Variants in TCOF1 observed in about 807,000 individuals in gnomAD.
The protein encoded by TCOF1 is treacle protein.
Under a neutral mutation model 149.0 loss-of-function variants are expected in TCOF1, and 33 were observed. The observed-to-expected ratio is 0.22, with a 90% confidence interval of 0.17 to 0.30. TCOF1 has a LOEUF of 0.30. Among genes scored for constraint, TCOF1 ranks in the 10% least tolerant of loss-of-function variants. The probability of loss-of-function intolerance (pLI) is 1.00; values close to 1 mark genes in which losing one functional copy is unlikely to be tolerated. For synonymous variants in TCOF1, 789 were observed against 738.8 expected (o/e 1.07, Z -1.10); for missense variants, 1,728 against 1,840.7 (o/e 0.94, Z 1.12).
Position 150,396,539 on chromosome 5 carries a change from C to T in TCOF1, c.4042C>T (p.Arg1348Trp), listed in dbSNP as rs923842110. 2.5e-6 allele frequency: 4 copies of T among 1,596,552 alleles called. No homozygotes were observed. The highest frequency in any genetic ancestry group is 3.5e-5 in the Admixed American group (2 of 56,622). Reference protein sequence around the residue: ...SSRKGWESRKRKLSGDQPAAR... With the variant: ...SSRKGWESRKWKLSGDQPAAR... ...CAGGAAGGGCTGGGAGAGCCGCAAG[C>T]GGAAGCTATCGGGAGACCAGCCAGC... Residue 1348 changes from arginine to tryptophan, a missense_variant, in exon 24 of 27, where the codon CGG (arginine) becomes TGG (tryptophan). Around this residue, in one of 2 missense-constraint regions of TCOF1, gnomAD observed 1,696 missense variants for 1,765.4 expected, o/e 0.96. Transcript: ENST00000643257.
intron 1 of TCOF1, among the ~76,000 whole-genome samples, chr5:150,360,379 C>G (rs948456038): frequency 2.0e-5 from 3 of 152,200 alleles, no homozygotes; most frequent in African/African-American, 4.8e-5. Flanking sequence ...GGGACTGGTA[C>G]CATTTGGGCC....
intron 24 of TCOF1, among the ~76,000 whole-genome samples, chr5:150,398,104 G>A (rs1425505907): frequency 1.3e-5 from 2 of 152,096 alleles, no homozygotes; most frequent in Non-Finnish European, 2.9e-5. Context: ...TGTATTTTTT[G>A]TAGAGACAGG....
chr5:150,387,327 A>AT (rs776340139), intron 17 of TCOF1, among the ~76,000 whole-genome samples: 26 of 152,220 alleles, frequency 1.7e-4, no homozygotes, highest in Middle Eastern at 6.8e-3. Flanking sequence ...TCTCTTGTGC[A>AT]TTTTTTTGTT....
chr5:150,399,189 A>G lies in TCOF1; in HGVS notation c.*22+119A>G, dbSNP rs1422193364. 3 of 1,431,468 alleles carry G rather than the reference A, an allele frequency of 2.1e-6. No individual in the cohort carries two copies. In the African/African-American group the frequency reaches 4.2e-5, roughly 20 times the overall value. 88.7% of individuals were successfully genotyped at this position (1,431,468 alleles called of 1,614,324 possible). ...GCTCTAAGGGGAAAGGAGGCTGGGG[A>G]AAGAGGTTCTGTTGCCAAGGGTCCA... On this transcript the variant is annotated intron_variant, in intron 26 of 26. Coordinates refer to ENST00000643257, the MANE Select transcript of TCOF1 (RefSeq NM_001371623.1).
intron 24 of TCOF1, 82 bp from the exon 25 acceptor site, chr5:150,398,272 C>G: frequency 6.2e-7 from 1 of 1,600,326 alleles, no homozygotes; most frequent in Non-Finnish European, 8.5e-7. Flanking sequence ...GCTGGGAGCC[C>G]TGCCCTGTGC....
At chr5:150,370,735 G>A (rs1762343919) in intron 6 of TCOF1, among the ~76,000 whole-genome samples, 1 of 152,220 alleles carries the variant, frequency 6.6e-6, no homozygotes, top group Non-Finnish European at 1.5e-5. Flanking sequence ...GGGAGGCCAA[G>A]GCAGGAGGAT....
At chr5:150,361,618 T>G (rs1760111616) in intron 2 of TCOF1, among the ~76,000 whole-genome samples, 1 of 152,200 alleles carries the variant, frequency 6.6e-6, no homozygotes. Flanking sequence ...AAATGAATGT[T>G]AAATTACAGT....
At chr5:150,374,152 G>T in intron 7 of TCOF1, 22 bp from the exon 8 acceptor site, 2 of 1,604,290 alleles carry the variant, frequency 1.2e-6, no homozygotes, top group Non-Finnish European at 1.7e-6. Flanking sequence ...AGGAGAGCAA[G>T]CTGCCCTTTC....
chr5:150,376,603 G>T lies in TCOF1; in HGVS notation c.2323G>T (p.Ala775Ser). The change falls in exon 14 of 27, where the codon GCT becomes TCT. Residue 775 changes from alanine to serine, a missense_variant. Around this residue, in one of 2 missense-constraint regions of TCOF1, gnomAD observed 1,696 missense variants for 1,765.4 expected, o/e 0.96. Coordinates refer to ENST00000643257, the MANE Select transcript of TCOF1 (RefSeq NM_001371623.1). ...SEEESDSEEA[A>S]ASPAQVKTSV... ...GGAGGAATCAGACAGTGAGGAAGCA[G>T]CTGCATCTCCAGCACAGGTGAGGCC... The T allele has an allele frequency of 1.3e-6, 2 of 1,571,032 alleles. No individual in the cohort carries two copies. The highest frequency in any genetic ancestry group is 1.7e-6 in the Non-Finnish European group (2 of 1,158,298).
intron 26 of TCOF1, among the ~76,000 whole-genome samples, chr5:150,399,369 G>A (rs576791825): frequency 7.9e-5 from 12 of 152,232 alleles, no homozygotes; most frequent in African/African-American, 2.4e-4. Flanking sequence ...AGGTGAGGTC[G>A]GATACAGCTT....
intron 1 of TCOF1, among the ~76,000 whole-genome samples, chr5:150,359,426 TG>T (rs777333353): frequency 2.6e-5 from 4 of 151,780 alleles, no homozygotes; most frequent in Non-Finnish European, 4.4e-5. Flanking sequence ...AGGCAGGGGC[TG>T]GCTGGAGTGG....
intron 17 of TCOF1, 153 bp downstream of exon 17, chr5:150,379,885 A>T (rs1036067437): frequency 1.2e-6 from 1 of 860,408 alleles, no homozygotes; most frequent in African/African-American, 1.7e-5. Context: ...CAGCCTGGCC[A>T]ACATGGTGAA....
intron 19 of TCOF1, among the ~76,000 whole-genome samples, chr5:150,391,098 A>C (rs1212115856): frequency 6.6e-6 from 1 of 152,062 alleles, no homozygotes; most frequent in East Asian, 1.9e-4. Flanking sequence ...AGCGCTTGGG[A>C]ATGAGGGAAA....
intron 7 of TCOF1, among the ~76,000 whole-genome samples, chr5:150,373,727 A>G (rs1250246901): frequency 6.6e-6 from 1 of 152,174 alleles, no homozygotes. Flanking sequence ...CTGCCTCTTC[A>G]TTCCTTCCCT....
intron 26 of TCOF1, 138 bp downstream of exon 26, chr5:150,399,208 G>A: frequency 8.6e-7 from 1 of 1,159,054 alleles, no homozygotes; most frequent in Non-Finnish European, 1.3e-6. Flanking sequence ...CTGTTGCCAA[G>A]GGTCCATGGG....
Position 150,393,471 on chromosome 5 carries a change from A to C in TCOF1, c.3703A>C (p.Thr1235Pro), listed in dbSNP as rs1767836688. 3 of 1,614,022 alleles carry C rather than the reference A, an allele frequency of 1.9e-6. No homozygotes were observed. The highest frequency in any genetic ancestry group is 2.5e-6 in the Non-Finnish European group (3 of 1,180,012). ...KLDSSPSVSSTLAAKDDPDGK... is the reference protein window; with the variant it reads ...KLDSSPSVSSPLAAKDDPDGK... Reference sequence around the variant, plus strand: ...AGACTCCAGCCCCTCAGTTTCCTCTACTCTGGCCGCCAAAGATGACCCAGA... The same window carrying C: ...AGACTCCAGCCCCTCAGTTTCCTCTCCTCTGGCCGCCAAAGATGACCCAGA... Residue 1235 changes from threonine (T) to proline (P), a missense_variant, in exon 23 of 27, where the codon ACT becomes CCT. This residue lies in a region of TCOF1 where 1,696 missense variants were observed against 1,765.4 expected (regional missense o/e 0.96). Coordinates refer to ENST00000643257, the MANE Select transcript of TCOF1 (RefSeq NM_001371623.1).
chr5:150,374,392 G>A lies in TCOF1; in HGVS notation c.1083+6G>A. 4 of 1,552,740 alleles carry A rather than the reference G, an allele frequency of 2.6e-6. No homozygotes were observed. The highest frequency in any genetic ancestry group is 3.5e-6 in the Non-Finnish European group (4 of 1,147,836). ...CTGCCAAGGCCCTGCTTCAGGTGAG[G>A]CCTGAGGAGGGAGACTCCATGCAGC... On this transcript the variant is annotated splice_donor_region_variant and intron_variant, in intron 8 of 26. Coordinates refer to ENST00000643257, the MANE Select transcript of TCOF1 (RefSeq NM_001371623.1).
intron 17 of TCOF1, among the ~76,000 whole-genome samples, chr5:150,387,068 A>T (rs907977014): frequency 1.3e-5 from 2 of 152,218 alleles, no homozygotes; most frequent in East Asian, 3.8e-4. Context: ...ACGCCCCTGG[A>T]TTACTTTGCA....
chr5:150,384,521 T>C (rs1765876568), intron 17 of TCOF1: 3 of 985,440 alleles, frequency 3.0e-6, no homozygotes, highest in Non-Finnish European at 3.6e-6. Flanking sequence ...GTGTGGAGCC[T>C]TTACGAGGCC....
Sources: gnomAD v4.1 joint callset for allele counts (sites outside exome capture counted in the v4.1 genomes callset) on GRCh38, gnomAD v4.1.1 for gene constraint, gnomAD v4.1.1 regional missense constraint, MANE v1.5 for transcripts, NCBI Gene and HGNC (gene_info 2026-07-23, HGNC 2026-07-21) for gene names.